C19orf38: variants seen among roughly 807,000 people sequenced by gnomAD.
C19orf38 encodes the protein chromosome 19 open reading frame 38, also known as protein HIDE1.
C19orf38 carries 14 observed loss-of-function variants against 26.6 expected under a neutral mutation model. The observed-to-expected ratio is 0.53, with a 90% CI of 0.35 to 0.82. The LOEUF (loss-of-function observed/expected upper bound fraction) is 0.82, where lower values mean the gene tolerates loss of function less well. Ranked by LOEUF, C19orf38 falls within the 40% of genes least tolerant of loss-of-function variation. C19orf38 has a pLI of 0.01. For synonymous variants in C19orf38, 132 were observed against 128.5 expected (o/e 1.03, Z -0.18); for missense variants, 261 against 299.5 (o/e 0.87, Z 0.95).
chr19:10,845,917 G>C (rs1246240247), upstream of C19orf38, among the ~76,000 whole-genome samples: 1 of 150,940 alleles, frequency 6.6e-6, no homozygotes, highest in Non-Finnish European at 1.5e-5. Flanking sequence ...TTAATGAGCT[G>C]CCTGTAATCC....
intron 6 of C19orf38, among the ~76,000 whole-genome samples, chr19:10,864,985 C>T (rs188314222): frequency 5.3e-5 from 8 of 152,236 alleles, no homozygotes; most frequent in East Asian, 1.9e-4. Flanking sequence ...GGGCTTGGCA[C>T]GGGCCTGTGC....
At chr19:10,847,683 C>T (rs12974563), upstream of C19orf38, among the ~76,000 whole-genome samples, 1 of 151,998 alleles carries the variant, frequency 6.6e-6, no homozygotes, top group Non-Finnish European at 1.5e-5. Context: ...GTCTACTACT[C>T]TTAGCCCCAT....
intron 6 of C19orf38, among the ~76,000 whole-genome samples, chr19:10,866,357 A>ATTTTTTTTTTTT (rs71164128): frequency 8.0e-6 from 1 of 125,646 alleles, no homozygotes; most frequent in African/African-American, 3.0e-5. Context: ...TGCCCAGCTA[A>ATTTTTTTTTTTT]TTTTTTTTTT....
chr19:10,860,941 G>A (rs560794717), intron 5 of C19orf38, among the ~76,000 whole-genome samples: 4 of 151,448 alleles, frequency 2.6e-5, no homozygotes, highest in East Asian at 1.9e-4. Context: ...TCAGGAGATC[G>A]AGACCATCCT....
upstream of C19orf38, among the ~76,000 whole-genome samples, chr19:10,844,241 C>T (rs1030888294): frequency 2.0e-5 from 3 of 148,396 alleles, no homozygotes; most frequent in Non-Finnish European, 4.5e-5. Flanking sequence ...CCTGTCTCTA[C>T]TAAAAATACA....
chr19:10,869,663 G>T lies in C19orf38; in HGVS notation c.*296G>T. ...CCCAGCTGGGCCATAAGACGTCCCA[G>T]GTCTCTGCACACCCGTGGAATTCCT... On this transcript the variant is annotated 3_prime_UTR_variant, in exon 7 of 7. Transcript: ENST00000397820. 2.5e-6 allele frequency: 1 copy of T among 402,206 alleles called. No homozygotes were observed. Among genetic ancestry groups the T allele is most frequent in the East Asian group, 4.9e-5 (1 of 20,368 alleles). The allele number at this position is 402,206 out of a possible 1,614,324, so 24.9% of individuals were successfully genotyped here.
intron 2 of C19orf38, among the ~76,000 whole-genome samples, chr19:10,855,776 C>T (rs536315299): frequency 4.6e-5 from 7 of 152,266 alleles, no homozygotes; most frequent in African/African-American, 1.7e-4. Flanking sequence ...GATCCACCTG[C>T]CTTGGCCTCC....
intron 1 of C19orf38, among the ~76,000 whole-genome samples, chr19:10,849,948 C>G (rs1433576761): frequency 6.6e-6 from 1 of 152,022 alleles, no homozygotes; most frequent in East Asian, 1.9e-4. Context: ...GCCTGTAATC[C>G]TAGCTACTTG....
chr19:10,850,451 G>A lies in C19orf38; in HGVS notation c.224G>A (p.Ser75Asn). The part of the protein sequence containing the change: ...TDQRGVTFNL[S>N]GGSSKAPGGP... The stretch of plus-strand genomic sequence containing the variant: ...CAGCGCGGGGTGACATTTAACCTGA[G>A]CGGCGGCAGCAGCAAGGCTCCAGGG... The change falls in exon 2 of 7, where the codon AGC (serine) becomes AAC (asparagine). Residue 75 changes from serine to asparagine, a missense_variant. By Grantham distance (46) the Ser-to-Asn change is conservative. Transcript: ENST00000397820. 1.3e-6 allele frequency: 2 copies of A among 1,551,474 alleles called. No individual in the cohort carries two copies. Among genetic ancestry groups the A allele is most frequent in the Non-Finnish European group, 1.7e-6 (2 of 1,146,894 alleles).
chr19:10,866,505 C>CT (rs905563387), intron 6 of C19orf38, among the ~76,000 whole-genome samples: 3 of 151,008 alleles, frequency 2.0e-5, no homozygotes, highest in Non-Finnish European at 4.4e-5. Context: ...CAGGCCCGGC[C>CT]TTTTTTTTAA....
chr19:10,860,377 C>CA (rs1337634028), intron 5 of C19orf38, among the ~76,000 whole-genome samples: 1 of 150,934 alleles, frequency 6.6e-6, no homozygotes, highest in Non-Finnish European at 1.5e-5. Context: ...ACTAAAAATA[C>CA]AAAAAAATTA....
intron 2 of C19orf38, 109 bp downstream of exon 2, chr19:10,850,676 C>A: frequency 8.6e-7 from 1 of 1,160,012 alleles, no homozygotes; most frequent in Non-Finnish European, 1.2e-6. Flanking sequence ...AGGCTTACAC[C>A]CTGCCAGGAC....
At chr19:10,856,239 C>A (rs1324413731) in intron 2 of C19orf38, 26 bp from the exon 3 acceptor site, 28 of 1,531,296 alleles carry the variant, frequency 1.8e-5, no homozygotes, top group Non-Finnish European at 2.2e-5. Context: ...CTGACCTGCC[C>A]ACTCTCTTTT....
upstream of C19orf38, among the ~76,000 whole-genome samples, chr19:10,844,263 G>C (rs2073499328): frequency 6.6e-6 from 1 of 151,380 alleles, no homozygotes; most frequent in African/African-American, 2.4e-5. Context: ...AAATTAGCCA[G>C]GCATGGTGGC....
chr19:10,850,255 G>T lies in C19orf38; in HGVS notation c.32-4G>T, dbSNP rs956945068. ...ACCCACCCACCTTACCCTCTGCATT[G>T]CAGGCTCCTTGGCGATCCCAGCACC... On this transcript the variant is annotated splice_region_variant and splice_polypyrimidine_tract_variant and intron_variant, in intron 1 of 6. Transcript: ENST00000397820. 1.3e-6 allele frequency: 2 copies of T among 1,548,680 alleles called. No individual in the cohort carries two copies. The highest frequency in any genetic ancestry group is 8.7e-7 in the Non-Finnish European group (1 of 1,146,442).
intron 6 of C19orf38, among the ~76,000 whole-genome samples, chr19:10,865,163 G>GT (rs1229209627): frequency 6.6e-6 from 1 of 152,122 alleles, no homozygotes; most frequent in African/African-American, 2.4e-5. Context: ...ATTTTTGTTT[G>GT]TTTTTTGAGA....
At chr19:10,850,199 A>C in intron 1 of C19orf38, 60 bp from the exon 2 acceptor site, 1 of 1,457,984 alleles carries the variant, frequency 6.9e-7, no homozygotes, top group Non-Finnish European at 9.2e-7. Flanking sequence ...CCGAGGCCAC[A>C]TAGCCAGGGC....
chr19:10,847,158 G>A (rs1250443269), upstream of C19orf38, among the ~76,000 whole-genome samples: 1 of 152,154 alleles, frequency 6.6e-6, no homozygotes, highest in Non-Finnish European at 1.5e-5. Flanking sequence ...GAGAAACTTG[G>A]AAGTTTCTGG....
chr19:10,837,044 ATTAC>A (rs2146230407), intron 1 of C19orf38, among the ~76,000 whole-genome samples: 1 of 152,252 alleles, frequency 6.6e-6, no homozygotes, highest in African/African-American at 2.4e-5. Flanking sequence ...TGCCCCACCC[ATTAC>A]TTGAGGCATT....
Sources: allele counts gnomAD v4.1 joint callset (sites outside exome capture counted in the v4.1 genomes callset), GRCh38; gene constraint gnomAD v4.1.1; transcripts MANE v1.5; gene names NCBI Gene and HGNC (gene_info 2026-07-23, HGNC 2026-07-21).